Variants in SLC30A8 observed in about 807,000 individuals in gnomAD.
SLC30A8 encodes solute carrier family 30 member 8, also known as proton-coupled zinc antiporter SLC30A8.
SLC30A8 carries 27 observed loss-of-function variants against 36.9 expected under a neutral mutation model. The observed-to-expected ratio is 0.73, with a 90% CI of 0.54 to 1.01. The LOEUF (loss-of-function observed/expected upper bound fraction) is 1.01, where lower values mean the gene tolerates loss of function less well. SLC30A8 is among the 50% of genes least tolerant of loss of function. The pLI is 0.00. For synonymous variants in SLC30A8, 164 were observed against 172.4 expected (o/e 0.95, Z 0.38); for missense variants, 439 against 452.0 (o/e 0.97, Z 0.26).
intron 4 of SLC30A8, 71 bp from the exon 5 acceptor site, chr8:117,161,667 C>A: frequency 1.4e-6 from 2 of 1,443,042 alleles, no homozygotes; most frequent in Non-Finnish European, 1.9e-6. Flanking sequence ...TTATTGCCAG[C>A]TTCTCCATTA....
chr8:117,167,632 A>G (rs1420477103), intron 6 of SLC30A8, among the ~76,000 whole-genome samples: 1 of 152,118 alleles, frequency 6.6e-6, no homozygotes, highest in Non-Finnish European at 1.5e-5. Context: ...TAGCACATAC[A>G]TAGATATACC....
At chr8:117,061,279 G>A (rs1480300757) in intron 2 of SLC30A8, among the ~76,000 whole-genome samples, 2 of 152,200 alleles carry the variant, frequency 1.3e-5, no homozygotes, top group Admixed American at 6.5e-5. Context: ...TGCATTTGGT[G>A]TATTAGGATG....
At chr8:117,078,742 A>G (rs1282787572) in intron 2 of SLC30A8, among the ~76,000 whole-genome samples, 1 of 152,220 alleles carries the variant, frequency 6.6e-6, no homozygotes, top group Non-Finnish European at 1.5e-5. Flanking sequence ...GCTGGAATGC[A>G]GTGGTATGAA....
intron 4 of SLC30A8, among the ~76,000 whole-genome samples, chr8:117,159,492 T>A (rs945659919): frequency 6.6e-6 from 1 of 152,232 alleles, no homozygotes; most frequent in African/African-American, 2.4e-5. Context: ...GCTCTCAGTT[T>A]GTGAACCATT....
intron 1 of SLC30A8, among the ~76,000 whole-genome samples, chr8:116,982,970 T>C (rs1014899915): frequency 5.3e-5 from 8 of 152,190 alleles, no homozygotes; most frequent in African/African-American, 1.9e-4. Context: ...TTTTTCACTT[T>C]TTAAATATAA....
chr8:117,143,930 C>G (rs2130957533), intron 1 of SLC30A8, among the ~76,000 whole-genome samples: 1 of 152,142 alleles, frequency 6.6e-6, no homozygotes, highest in East Asian at 1.9e-4. Context: ...TTGCTTTGGA[C>G]TGGCTTCTGA....
intron 3 of SLC30A8, among the ~76,000 whole-genome samples, chr8:117,154,238 C>T (rs1822353677): frequency 6.6e-6 from 1 of 152,058 alleles, no homozygotes; most frequent in African/African-American, 2.4e-5. Context: ...TTTACAGTCC[C>T]TCCCTAACCC....
chr8:117,018,675 C>CTTT (rs34426153), intron 1 of SLC30A8, among the ~76,000 whole-genome samples: 4 of 105,350 alleles, frequency 3.8e-5, no homozygotes, highest in African/African-American at 9.6e-5. Context: ...CCCCCCCCCC[C>CTTT]TTTTTTTTTT....
upstream of SLC30A8, among the ~76,000 whole-genome samples, chr8:117,132,325 G>A (rs113372286): frequency 3.1e-3 from 474 of 152,112 alleles, 1 homozygote; most frequent in African/African-American, 0.011. Flanking sequence ...ACCCTATTAA[G>A]AAATTGTTGC....
At chr8:116,999,229 A>G (rs1277420901) in intron 1 of SLC30A8, among the ~76,000 whole-genome samples, 2 of 152,236 alleles carry the variant, frequency 1.3e-5, no homozygotes, top group African/African-American at 4.8e-5. Context: ...ATTGCGCTCC[A>G]GCCTGGGTGA....
intron 1 of SLC30A8, among the ~76,000 whole-genome samples, chr8:116,983,581 G>C (rs1290308265): frequency 6.6e-6 from 1 of 152,036 alleles, no homozygotes. Context: ...ATTTGGCTTT[G>C]TAACTTTTAT....
intron 2 of SLC30A8, among the ~76,000 whole-genome samples, chr8:117,110,800 T>C (rs1012615858): frequency 1.3e-5 from 2 of 152,206 alleles, no homozygotes; most frequent in African/African-American, 4.8e-5. Flanking sequence ...TACATGTATA[T>C]TGACTCATTA....
intron 2 of SLC30A8, among the ~76,000 whole-genome samples, chr8:117,125,513 C>G (rs1263953341): frequency 5.9e-5 from 9 of 151,930 alleles, no homozygotes; most frequent in African/African-American, 2.2e-4. Flanking sequence ...GTGCTATTAG[C>G]AGGAGTGGCA....
rs887119600 is a variant in SLC30A8 at position 117,045,948 on chromosome 8, CTT to C, written c.-226+6700_-226+6701del. Among the ~76,000 whole-genome samples, 184 of 142,106 alleles carry C rather than the reference CTT, an allele frequency of 1.3e-3. 2 individuals are homozygous for C. The highest frequency in any genetic ancestry group is 4.5e-3 in the African/African-American group (175 of 38,746). The allele number at this position is 142,106 out of a possible 152,430, so 93.2% of individuals were successfully genotyped here. ...TTTTTTTCCCCCTTCTTTTTTCTTT[CTT>C]TTTTTTTTTAAAACTGACAGAAGAA... On this transcript the variant is annotated intron_variant, in intron 2 of 10. Coordinates refer to the SLC30A8 transcript ENST00000427715.
intron 2 of SLC30A8, among the ~76,000 whole-genome samples, chr8:117,059,411 A>G (rs1331135761): frequency 6.6e-6 from 1 of 152,212 alleles, no homozygotes; most frequent in African/African-American, 2.4e-5. Context: ...GTAAAATCCT[A>G]GCTTAAAATG....
Position 117,167,480 on chromosome 8 carries a change from C to CATATATATATATATATATATATATATAT in SLC30A8, c.830-3541_830-3540insTATATATATATATATATATATATATATA, listed in dbSNP as rs370309015. ...CTTTCCAAAGATATTTGTGCATTTG[C>CATATATATATATATATATATATATATAT]ATATATATATATACATACATACATG... On this transcript the variant is annotated intron_variant, in intron 6 of 7. Transcript: ENST00000456015. Among the ~76,000 whole-genome samples, 33 of 121,038 alleles carry CATATATATATATATATATATATATATAT rather than the reference C, an allele frequency of 2.7e-4. 1 individual carries two copies. The highest frequency in any genetic ancestry group is 7.7e-4 in the African/African-American group (28 of 36,216). The allele number at this position is 121,038 out of a possible 152,430, so 79.4% of individuals were successfully genotyped here. A position where few individuals can be genotyped will look rare whatever the true frequency, so the allele number is the denominator to read the frequency against.
At chr8:116,954,410 C>CA (rs1814114254) in intron 1 of SLC30A8, among the ~76,000 whole-genome samples, 1 of 152,118 alleles carries the variant, frequency 6.6e-6, no homozygotes, top group Admixed American at 6.5e-5. Flanking sequence ...TCATAAATGT[C>CA]AACATCTGAT....
intron 1 of SLC30A8, among the ~76,000 whole-genome samples, chr8:117,016,438 A>G (rs557755156): frequency 4.3e-4 from 65 of 152,284 alleles, no homozygotes; most frequent in South Asian, 1.0e-3. Flanking sequence ...GAGCAGGAAA[A>G]GACAGGGGCA....
intron 2 of SLC30A8, among the ~76,000 whole-genome samples, chr8:117,125,063 C>G (rs1243927364): frequency 6.6e-6 from 1 of 151,942 alleles, no homozygotes; most frequent in East Asian, 1.9e-4. Flanking sequence ...TGAAAGAACT[C>G]TTTTCATTTG....
Sources: allele counts gnomAD v4.1 joint callset (sites outside exome capture counted in the v4.1 genomes callset), GRCh38; gene constraint gnomAD v4.1.1; transcripts MANE v1.5; gene names NCBI Gene and HGNC (gene_info 2026-07-23, HGNC 2026-07-21).